Variants in MREG observed in about 807,000 individuals in gnomAD.
MREG encodes the protein dilute suppressor protein homolog.
A neutral mutation model predicts 28.5 loss-of-function variants in MREG; 31 were observed. That is an observed-to-expected ratio of 1.09 (90% CI 0.82 to 1.47). The LOEUF is 1.47. Among genes scored for constraint, MREG ranks in the 40% most tolerant of loss-of-function variants. The pLI, the probability that MREG is intolerant of heterozygous loss-of-function variation, is 0.00. For missense variants in MREG, 256 were observed against 257.4 expected (o/e 0.99, Z 0.04); for synonymous variants, 106 against 95.2 (o/e 1.11, Z -0.66).
chr2:215,982,141 C>A (rs183090796), intron 2 of MREG, among the ~76,000 whole-genome samples: 361 of 152,090 alleles, frequency 2.4e-3, no homozygotes, highest in African/African-American at 8.1e-3. Flanking sequence ...ACCAACACTG[C>A]GAAACCCTGT....
chr2:215,941,987 G>T (rs890240787), downstream of MREG, among the ~76,000 whole-genome samples: 3 of 152,122 alleles, frequency 2.0e-5, no homozygotes, highest in African/African-American at 7.2e-5. Context: ...AGCTTCTCAG[G>T]GATGCTGGTG....
intron 1 of MREG, among the ~76,000 whole-genome samples, chr2:216,023,388 A>G (rs529487266): frequency 6.6e-6 from 1 of 152,360 alleles, no homozygotes; most frequent in East Asian, 1.9e-4. Flanking sequence ...GGACATAGTA[A>G]TATTTAAGTG....
chr2:215,960,321 A>C (rs577051080), intron 2 of MREG, among the ~76,000 whole-genome samples: 2 of 152,298 alleles, frequency 1.3e-5, no homozygotes, highest in African/African-American at 2.4e-5. Context: ...CTACCTGACC[A>C]CAAGAACCGG....
chr2:216,017,371 A>G (rs1694463985), upstream of MREG, among the ~76,000 whole-genome samples: 2 of 152,172 alleles, frequency 1.3e-5, no homozygotes, highest in Admixed American at 1.3e-4. Flanking sequence ...TAATGCCTTC[A>G]CTATTTCCTT....
chr2:216,012,416 C>T lies in MREG; in HGVS notation c.95+817G>A, dbSNP rs144660497. On this transcript the variant is annotated intron_variant, in intron 1 of 4. Coordinates refer to ENST00000263268, the MANE Select transcript of MREG (RefSeq NM_018000.3). ...CAAGCTGTATTACGTGAGTTTCATA[C>T]TTCAAAAGAAAGAAACCCTGGCTTT... Among the ~76,000 whole-genome samples, 223 of 152,330 alleles carry T rather than the reference C, an allele frequency of 1.5e-3. 1 individual carries two copies. Among genetic ancestry groups the T allele is most frequent in the African/African-American group, 5.2e-3 (216 of 41,568 alleles).
At chr2:215,939,695 C>T (rs1692173530), downstream of MREG, 1 of 152,150 alleles carries the variant, frequency 6.6e-6, no homozygotes, top group Non-Finnish European at 1.5e-5. Flanking sequence ...TTCCTAGTAT[C>T]ATTTACACAG....
At chr2:216,015,345 C>T (rs1477341990), upstream of MREG, among the ~76,000 whole-genome samples, 8 of 151,824 alleles carry the variant, frequency 5.3e-5, no homozygotes, top group African/African-American at 1.4e-4. Flanking sequence ...GTATTTCAGG[C>T]GGAGTGAATA....
At chr2:215,980,806 T>C (rs10207059) in intron 2 of MREG, among the ~76,000 whole-genome samples, 2,330 of 121,374 alleles carry the variant, frequency 0.019, 68 homozygotes, top group African/African-American at 0.069. Context: ...AGCAAGGCTC[T>C]GGCTTAAAGA....
intron 1 of MREG, among the ~76,000 whole-genome samples, chr2:216,022,591 A>G (rs1365272094): frequency 5.3e-5 from 8 of 152,188 alleles, no homozygotes; most frequent in African/African-American, 1.9e-4. Context: ...CTGCCATAAC[A>G]AACACTTTCC....
chr2:216,006,770 A>C (rs1230583059), intron 1 of MREG, among the ~76,000 whole-genome samples: 2 of 152,012 alleles, frequency 1.3e-5, no homozygotes, highest in African/African-American at 4.8e-5. Context: ...AAAATGAAAA[A>C]CCCTACAAAT....
At chr2:216,032,271 C>G (rs906723751) in intron 1 of MREG, among the ~76,000 whole-genome samples, 10 of 152,156 alleles carry the variant, frequency 6.6e-5, no homozygotes, top group African/African-American at 2.4e-4. Context: ...AAAACAAAAG[C>G]CAAATGGTCC....
chr2:215,982,060 C>T (rs1043553163), intron 2 of MREG, among the ~76,000 whole-genome samples: 1 of 152,158 alleles, frequency 6.6e-6, no homozygotes, highest in African/African-American at 2.4e-5. Context: ...GTGGCTCACA[C>T]CTGTAATCCC....
chr2:216,003,881 T>A (rs1694085931), intron 1 of MREG, among the ~76,000 whole-genome samples: 1 of 152,250 alleles, frequency 6.6e-6, no homozygotes, highest in Non-Finnish European at 1.5e-5. Context: ...ATTTCTACTG[T>A]TGTCTCTTTT....
chr2:216,008,166 G>A (rs551343514), intron 1 of MREG, among the ~76,000 whole-genome samples: 3 of 152,108 alleles, frequency 2.0e-5, no homozygotes, highest in South Asian at 2.1e-4. Flanking sequence ...TTTGAGTCAC[G>A]CCGCTTGGGG....
chr2:216,014,542 A>C (rs1202372774), upstream of MREG, among the ~76,000 whole-genome samples: 3 of 151,962 alleles, frequency 2.0e-5, no homozygotes, highest in Non-Finnish European at 2.9e-5. Flanking sequence ...CCATCTACTC[A>C]AGAGGCTGAG....
intron 1 of MREG, among the ~76,000 whole-genome samples, chr2:215,999,152 G>A (rs991543534): frequency 2.6e-5 from 4 of 152,216 alleles, no homozygotes; most frequent in African/African-American, 7.2e-5. Context: ...ACTGCAGCAC[G>A]TGGTGTGCGG....
intron 2 of MREG, among the ~76,000 whole-genome samples, chr2:215,978,436 C>A (rs1452455907): frequency 6.6e-6 from 1 of 152,164 alleles, no homozygotes; most frequent in Non-Finnish European, 1.5e-5. Context: ...AGATTCACAG[C>A]CGAATTCTAC....
downstream of MREG, among the ~76,000 whole-genome samples, chr2:215,941,314 C>G (rs925386159): frequency 2.0e-5 from 3 of 152,114 alleles, no homozygotes; most frequent in African/African-American, 7.2e-5. Context: ...AAGTAGTAGT[C>G]GACAGGCAGA....
intron 2 of MREG, among the ~76,000 whole-genome samples, chr2:215,966,600 C>T (rs1437433133): frequency 6.7e-6 from 1 of 148,970 alleles, no homozygotes; most frequent in Non-Finnish European, 1.5e-5. Flanking sequence ...AAACATTTTC[C>T]CTTTTTTTTT....
Sources: gnomAD v4.1 joint callset for allele counts (sites outside exome capture counted in the v4.1 genomes callset) on GRCh38, gnomAD v4.1.1 for gene constraint, MANE v1.5 for transcripts, NCBI Gene and HGNC (gene_info 2026-07-23, HGNC 2026-07-21) for gene names.